Variants in FBXO8 observed in about 807,000 individuals in gnomAD.
FBXO8 encodes the protein F-box only protein 8.
In FBXO8, 15 loss-of-function variants were observed where a neutral mutation model predicts 33.4. The ratio of observed to expected loss-of-function variants is 0.45; its 90% confidence interval spans 0.30 to 0.69. The LOEUF (loss-of-function observed/expected upper bound fraction) is 0.69, where lower values mean the gene tolerates loss of function less well. Ranked by LOEUF, FBXO8 falls within the 30% of genes least tolerant of loss-of-function variation. FBXO8 has a pLI of 0.08. For missense variants in FBXO8, 274 were observed against 380.3 expected, an observed-to-expected ratio of 0.72 and a Z score of 2.32; for synonymous variants, 132 against 131.5, an observed-to-expected ratio of 1.00 and a Z score of -0.02.
In FBXO8 at chr4:174,270,993, G is replaced by T. The variant is rs1736825828; in HGVS notation, c.-8-7893C>A. Among the ~76,000 whole-genome samples, 1 of 151,872 alleles carries T rather than the reference G, an allele frequency of 6.6e-6. No individual in the cohort carries two copies. Among genetic ancestry groups the T allele is most frequent in the South Asian group, 2.1e-4 (1 of 4,820 alleles). ...ACAGGAAACAGAAGAAACAATTTTT[G>T]GACTCACTTTTGAAACAATCTTTTA... On this transcript the variant is annotated intron_variant, in intron 1 of 5. Coordinates refer to ENST00000393674, the MANE Select transcript of FBXO8 (RefSeq NM_012180.3). The surrounding 1 kb of genome is among the most constrained non-coding windows in gnomAD (Gnocchi z 4.6).
chr4:174,260,935 T>C (rs903398872), intron 2 of FBXO8, among the ~76,000 whole-genome samples: 1 of 151,980 alleles, frequency 6.6e-6, no homozygotes, highest in Non-Finnish European at 1.5e-5. Context: ...CAGATTTCCT[T>C]CTTTTAATAA....
chr4:174,240,861 C>T (rs189914024), intron 4 of FBXO8, among the ~76,000 whole-genome samples: 19 of 151,700 alleles, frequency 1.3e-4, no homozygotes, highest in South Asian at 2.1e-4. Context: ...ATTACAAAGA[C>T]GTTGGGCTTC....
chr4:174,282,621 T>C (rs1053686465), intron 1 of FBXO8, among the ~76,000 whole-genome samples: 10 of 152,128 alleles, frequency 6.6e-5, no homozygotes, highest in Admixed American at 3.3e-4. Flanking sequence ...ACTTCAAACA[T>C]TAAAAGAAGG....
In FBXO8 at chr4:174,241,056, A is replaced by T. The variant is rs752784987; in HGVS notation, c.575+44T>A. ...AAGTAAAACTTAACTCATCAAAAAC[A>T]TTACTTAACTCATTTTGGATGAAAA... On this transcript the variant is annotated intron_variant, in intron 4 of 5. Coordinates refer to ENST00000393674, the MANE Select transcript of FBXO8 (RefSeq NM_012180.3). The surrounding 1 kb of genome is among the most constrained non-coding windows in gnomAD (Gnocchi z 4.2). The T allele has an allele frequency of 1.0e-5, 12 of 1,197,128 alleles. No individual in the cohort carries two copies. Among genetic ancestry groups the T allele is most frequent in the Non-Finnish European group, 1.3e-5 (11 of 822,320 alleles). 74.2% of individuals were successfully genotyped at this position (1,197,128 alleles called of 1,614,324 possible). A position where few individuals can be genotyped will look rare whatever the true frequency, so the allele number is the denominator to read the frequency against.
rs1736234725 is a variant in FBXO8 at position 174,249,343 on chromosome 4, G to T, written c.457-8125C>A. Among the ~76,000 whole-genome samples the T allele has an allele frequency of 2.0e-5, 3 of 151,928 alleles. No homozygotes were observed. The South Asian group carries it at 6.2e-4, about 31-fold the overall frequency. On this transcript the variant is annotated intron_variant, in intron 3 of 5. Transcript: ENST00000393674. ...AAGAAAGCATTCTAATCAAAATATG[G>T]AGATAAATCTCTATTAGGTTATGAT...
Position 174,281,477 on chromosome 4 carries a change from G to C in FBXO8, c.-9+1933C>G, listed in dbSNP as rs891660242. On this transcript the variant is annotated intron_variant, in intron 1 of 5. Coordinates refer to ENST00000393674, the MANE Select transcript of FBXO8 (RefSeq NM_012180.3). This position sits in a 1 kb window ranked among gnomAD's most constrained non-coding sequence, Gnocchi z 4.6. Reference sequence around the variant, plus strand: ...CTTGGGAGGCTGTGGAAGGAGGATCGCTTGAGCTCAGGACTTCAAGACCAG... The same window carrying C: ...CTTGGGAGGCTGTGGAAGGAGGATCCCTTGAGCTCAGGACTTCAAGACCAG... 6.6e-6 allele frequency among the ~76,000 whole-genome samples: 1 copy of C among 152,088 alleles called. No individual in the cohort carries two copies. The highest frequency in any genetic ancestry group is 2.4e-5 in the African/African-American group (1 of 41,444).
chr4:174,239,793 T>C (rs984603010), intron 4 of FBXO8, among the ~76,000 whole-genome samples: 2 of 151,652 alleles, frequency 1.3e-5, no homozygotes, highest in African/African-American at 4.8e-5. Flanking sequence ...ATTTAGCTTA[T>C]TTGCTATAAT....
Position 174,275,779 on chromosome 4 carries a change from A to G in FBXO8, c.-9+7631T>C, listed in dbSNP as rs1484003151. Among the ~76,000 whole-genome samples the G allele has an allele frequency of 6.6e-6, 1 of 152,184 alleles. No individual in the cohort carries two copies. Among genetic ancestry groups the G allele is most frequent in the East Asian group, 1.9e-4 (1 of 5,186 alleles). On this transcript the variant is annotated intron_variant, in intron 1 of 5. Coordinates refer to ENST00000393674, the MANE Select transcript of FBXO8 (RefSeq NM_012180.3). This position sits in a 1 kb window ranked among gnomAD's most constrained non-coding sequence, Gnocchi z 4.4. ...GTGAAAAATCTACAACCTATGAATCATCTCTCACTTCAGGTAAATTTGAAT... is the reference window on the plus strand; with the variant it reads ...GTGAAAAATCTACAACCTATGAATCGTCTCTCACTTCAGGTAAATTTGAAT...
rs545241430 is a variant in FBXO8 at position 174,267,942 on chromosome 4, T to G, written c.-8-4842A>C. Reference sequence around the variant, plus strand: ...GAAATCACTAGTTTTGGTGTAAATATGGATTTTGTGATGAAACTACAGCTT... The same window carrying G: ...GAAATCACTAGTTTTGGTGTAAATAGGGATTTTGTGATGAAACTACAGCTT... On this transcript the variant is annotated intron_variant, in intron 1 of 5. Coordinates refer to ENST00000393674, the MANE Select transcript of FBXO8 (RefSeq NM_012180.3). This position sits in a 1 kb window ranked among gnomAD's most constrained non-coding sequence, Gnocchi z 4.7. Among the ~76,000 whole-genome samples, 28 of 152,354 alleles carry G rather than the reference T, an allele frequency of 1.8e-4. No individual in the cohort carries two copies. In the South Asian group the frequency reaches 5.4e-3, roughly 29 times the overall value.
Position 174,238,721 on chromosome 4 carries a change from TATATAAAAAATATAA to T in FBXO8, c.772+258_772+272del, listed in dbSNP as rs1328366780. Among the ~76,000 whole-genome samples the T allele has an allele frequency of 1.4e-3, 210 of 148,490 alleles. 1 individual carries two copies. The highest frequency in any genetic ancestry group is 3.1e-3 in the South Asian group (15 of 4,766). On this transcript the variant is annotated intron_variant, in intron 5 of 5. Coordinates refer to ENST00000393674, the MANE Select transcript of FBXO8 (RefSeq NM_012180.3). ...TATTTATATATAAATTTGTAGGTAA[TATATAAAAAATATAA>T]ATGGCTATATATACATAGCCATGTA...
At chr4:174,246,099 A>T (rs912547310) in intron 3 of FBXO8, among the ~76,000 whole-genome samples, 14 of 151,960 alleles carry the variant, frequency 9.2e-5, no homozygotes, top group African/African-American at 3.4e-4. Flanking sequence ...AGGATTAGTA[A>T]GGGAGTAATG....
In FBXO8 at chr4:174,254,454, AG is replaced by A. The variant is rs1289844626; in HGVS notation, c.456+5244del. On this transcript the variant is annotated intron_variant, in intron 3 of 5. Coordinates refer to ENST00000393674, the MANE Select transcript of FBXO8 (RefSeq NM_012180.3). This position sits in a 1 kb window ranked among gnomAD's most constrained non-coding sequence, Gnocchi z 4.2. The stretch of plus-strand genomic sequence containing the variant: ...TCTTAGTGGCCTGTCAGCTTTCATT[AG>A]GAATACTTCTGTGTTGCAGGAGGTA... Among the ~76,000 whole-genome samples, 2 of 152,220 alleles carry A rather than the reference AG, an allele frequency of 1.3e-5. No homozygotes were observed. Among genetic ancestry groups the A allele is most frequent in the Non-Finnish European group, 2.9e-5 (2 of 68,020 alleles).
intron 3 of FBXO8, among the ~76,000 whole-genome samples, chr4:174,250,983 A>G (rs1428095489): frequency 2.6e-5 from 4 of 152,180 alleles, no homozygotes; most frequent in African/African-American, 9.7e-5. Flanking sequence ...GTAGTGTATG[A>G]TGAGAAAATA....
chr4:174,245,221 A>G lies in FBXO8; in HGVS notation c.457-4003T>C, dbSNP rs920257223. On this transcript the variant is annotated intron_variant, in intron 3 of 5. Transcript: ENST00000393674. The surrounding 1 kb of genome is among the most constrained non-coding windows in gnomAD (Gnocchi z 4.6). ...AATACACACGTGCCAAGGTACATCA[A>G]TAATACATGGCAGTAGAAGAAAACC... Among the ~76,000 whole-genome samples, 5 of 151,864 alleles carry G rather than the reference A, an allele frequency of 3.3e-5. No homozygotes were observed. Among genetic ancestry groups the G allele is most frequent in the African/African-American group, 7.2e-5 (3 of 41,422 alleles).
At chr4:174,271,857 A>G (rs1736843168) in intron 1 of FBXO8, among the ~76,000 whole-genome samples, 1 of 152,192 alleles carries the variant, frequency 6.6e-6, no homozygotes, top group African/African-American at 2.4e-5. Context: ...TTTAATCTTA[A>G]TTTAAATAGA....
rs1736351489 is a variant in FBXO8, at chr4:174,253,744, A to G, written c.456+5955T>C. On this transcript the variant is annotated intron_variant, in intron 3 of 5. Transcript: ENST00000393674. The surrounding 1 kb of genome is among the most constrained non-coding windows in gnomAD (Gnocchi z 4.5). ...GCTCTAGGGGTGCTCGTGTGATTCA[A>G]TTATGTTCTATAAGAAATGAGTAGA... is the stretch of plus-strand genomic sequence containing the variant. Among the ~76,000 whole-genome samples, 3 of 152,206 alleles carry G rather than the reference A, an allele frequency of 2.0e-5. No individual in the cohort carries two copies. Among genetic ancestry groups the G allele is most frequent in the African/African-American group, 4.8e-5 (2 of 41,446 alleles).
rs550516317 is a variant in FBXO8 at position 174,262,375 on chromosome 4, A to G, written c.329+389T>C. Among the ~76,000 whole-genome samples the G allele has an allele frequency of 1.2e-4, 18 of 152,212 alleles. No homozygotes were observed. The highest frequency in any genetic ancestry group is 2.6e-4 in the Non-Finnish European group (18 of 68,038). The stretch of plus-strand genomic sequence containing the variant: ...TATTCATTGATTTCGAAGTCTGCCT[A>G]TTATTCAGATGGCAGGTATCCTATG... On this transcript the variant is annotated intron_variant, in intron 2 of 5. Transcript: ENST00000393674. This position sits in a 1 kb window ranked among gnomAD's most constrained non-coding sequence, Gnocchi z 4.6.
Position 174,283,380 on chromosome 4 carries a change from G to A in FBXO8, c.-9+30C>T, listed in dbSNP as rs1560879480. ...AGGTGAACAGGGAAAAGAGACAAGA[G>A]ATCTAAAATATCTAGGTTGACTCCT... On this transcript the variant is annotated intron_variant, in intron 1 of 5. Coordinates refer to ENST00000393674, the MANE Select transcript of FBXO8 (RefSeq NM_012180.3). This position sits in a 1 kb window ranked among gnomAD's most constrained non-coding sequence, Gnocchi z 6.7. 6.5e-6 allele frequency: 1 copy of A among 152,988 alleles called. No homozygotes were observed. Among genetic ancestry groups the A allele is most frequent in the African/African-American group, 2.4e-5 (1 of 41,460 alleles). The allele number at this position is 152,988 out of a possible 1,614,324, so 9.5% of individuals were successfully genotyped here.
intron 3 of FBXO8, among the ~76,000 whole-genome samples, chr4:174,250,822 G>A (rs1722673111): frequency 6.6e-6 from 1 of 152,096 alleles, no homozygotes; most frequent in Non-Finnish European, 1.5e-5. Flanking sequence ...TGTGACACTG[G>A]TAACAATTGC....
Sources: allele counts gnomAD v4.1 joint callset (sites outside exome capture counted in the v4.1 genomes callset), GRCh38; gene constraint gnomAD v4.1.1; non-coding constraint Gnocchi (gnomAD v3.1); transcripts MANE v1.5; gene names NCBI Gene and HGNC (gene_info 2026-07-23, HGNC 2026-07-21).